DMD: variants seen among roughly 807,000 people sequenced by gnomAD.
DMD encodes mutant dystrophin.
DMD carries 63 observed loss-of-function variants against 330.1 expected under a neutral mutation model. The ratio of observed to expected loss-of-function variants is 0.19; its 90% confidence interval spans 0.16 to 0.24. DMD has a LOEUF of 0.24. Ranked by LOEUF, DMD falls within the 10% of genes least tolerant of loss-of-function variation. The pLI is 1.00. For missense variants in DMD, 3,344 were observed against 2,684.1 expected, an observed-to-expected ratio of 1.25 and a Z score of -5.43; for synonymous variants, 1,223 against 959.8, an observed-to-expected ratio of 1.27 and a Z score of -5.07.
chrX:32,974,357 A>C (rs1415411868), intron 2 of DMD, among the ~76,000 whole-genome samples: 1 of 111,034 alleles, frequency 9.0e-6, no homozygotes, highest in African/African-American at 3.3e-5. Flanking sequence ...AGTATTCTGC[A>C]ACTAGATAGT....
intron 1 of DMD, among the ~76,000 whole-genome samples, chrX:33,270,582 T>C (rs2053137150): frequency 9.0e-6 from 1 of 111,598 alleles, no homozygotes; most frequent in African/African-American, 3.3e-5. Flanking sequence ...TGAGTTTTAG[T>C]AGGGAACGCC....
At chrX:31,652,348 T>C (rs897197609) in intron 54 of DMD, among the ~76,000 whole-genome samples, 1 of 111,900 alleles carries the variant, frequency 8.9e-6, no homozygotes, top group African/African-American at 3.2e-5. Flanking sequence ...ACATCATGTA[T>C]TTAATTTTTA....
At chrX:31,592,770 G>A (rs1050331650) in intron 55 of DMD, among the ~76,000 whole-genome samples, 1 of 110,287 alleles carries the variant, frequency 9.1e-6, no homozygotes, top group Non-Finnish European at 1.9e-5. Flanking sequence ...TCATCTCTAA[G>A]GTTTTATGAG....
At chrX:32,887,765 A>AC (rs1476205076) in intron 2 of DMD, among the ~76,000 whole-genome samples, 23 of 101,326 alleles carry the variant, frequency 2.3e-4, no homozygotes, top group Admixed American at 1.1e-3. Context: ...AAAAAAAAAA[A>AC]AAAAAAAAAA....
intron 2 of DMD, among the ~76,000 whole-genome samples, chrX:32,947,737 T>C (rs190602298): frequency 9.1e-4 from 101 of 111,552 alleles, no homozygotes; most frequent in Non-Finnish European, 1.6e-3. Context: ...TAATGTAAAT[T>C]ATTGATATAT....
chrX:32,728,701 T>C (rs1358847329), intron 7 of DMD, among the ~76,000 whole-genome samples: 9 of 112,461 alleles, frequency 8.0e-5, no homozygotes, highest in Non-Finnish European at 1.7e-4. Context: ...GGGAATATAA[T>C]GCATAGAAAA....
chrX:32,785,691 C>G (rs1357890218), intron 7 of DMD, among the ~76,000 whole-genome samples: 1 of 111,468 alleles, frequency 9.0e-6, no homozygotes, highest in Non-Finnish European at 1.9e-5. Flanking sequence ...CTTATAGTCC[C>G]TTAATATTCC....
At chrX:32,285,844 C>T (rs1479376635) in intron 43 of DMD, among the ~76,000 whole-genome samples, 1 of 110,697 alleles carries the variant, frequency 9.0e-6, no homozygotes, top group East Asian at 2.8e-4. Context: ...GGACTACAAG[C>T]GCATGCCACC....
intron 44 of DMD, among the ~76,000 whole-genome samples, chrX:31,985,435 A>G (rs1001253640): frequency 8.9e-6 from 1 of 112,686 alleles, no homozygotes; most frequent in African/African-American, 3.2e-5. Context: ...ACATTTAGGA[A>G]AATATTTATG....
chrX:32,923,028 C>T (rs975801886), intron 2 of DMD, among the ~76,000 whole-genome samples: 1 of 111,530 alleles, frequency 9.0e-6, no homozygotes, highest in Non-Finnish European at 1.9e-5. Flanking sequence ...TATATTTTAA[C>T]AGAAATTCTT....
intron 47 of DMD, among the ~76,000 whole-genome samples, chrX:31,876,281 C>G (rs1212554836): frequency 8.9e-6 from 1 of 112,172 alleles, no homozygotes; most frequent in Non-Finnish European, 1.9e-5. Context: ...TAGGAAGCAG[C>G]ATGACATGGT....
chrX:32,637,199 T>A (rs1217448230), intron 11 of DMD, among the ~76,000 whole-genome samples: 2 of 111,746 alleles, frequency 1.8e-5, no homozygotes, highest in Non-Finnish European at 3.8e-5. Context: ...GTTGACACTC[T>A]GAAATTCTAT....
chrX:32,614,383 C>G lies in DMD; in HGVS notation c.1402G>C (p.Glu468Gln). Residue 468 changes from glutamate (E) to glutamine (Q), a missense_variant, in exon 12 of 79, where the codon GAA (glutamate) becomes CAA (glutamine). Physicochemically the swap from Glu to Gln is conservative, Grantham distance 29. Coordinates refer to ENST00000357033, the MANE Select transcript of DMD (RefSeq NM_004006.3). ...TCCTCCATTTTCCTTGTTCTTTCTTCTGTTTTTGTTAGCCAGTCATTCAAC... is the reference window on the plus strand; with the variant it reads ...TCCTCCATTTTCCTTGTTCTTTCTTGTGTTTTTGTTAGCCAGTCATTCAAC... The part of the protein sequence containing the change: ...KELNDWLTKT[E>Q]ERTRKMEEEP... The G allele has an allele frequency of 8.3e-7, 1 of 1,207,842 alleles. No individual in the cohort carries two copies. The highest frequency in any genetic ancestry group is 1.1e-6 in the Non-Finnish European group (1 of 892,925).
chrX:31,827,837 T>C (rs1464315270), intron 49 of DMD, among the ~76,000 whole-genome samples: 4 of 111,521 alleles, frequency 3.6e-5, no homozygotes, highest in African/African-American at 1.3e-4. Context: ...AACAATGAAA[T>C]TGAGATGGAA....
intron 44 of DMD, among the ~76,000 whole-genome samples, chrX:32,075,017 G>A (rs927034620): frequency 4.5e-5 from 5 of 111,814 alleles, no homozygotes; most frequent in African/African-American, 1.6e-4. Flanking sequence ...CGGAACTTCT[G>A]CTTTAAGAGG....
At chrX:32,823,180 T>G in intron 5 of DMD, 115 bp downstream of exon 5, 1 of 598,995 alleles carries the variant, frequency 1.7e-6, no homozygotes, top group East Asian at 3.4e-5. Flanking sequence ...AAAGCAGCAC[T>G]ATGGAGCAGG....
chrX:32,207,503 C>T lies in DMD; in HGVS notation c.6438+9413G>A, dbSNP rs752796887. Among the ~76,000 whole-genome samples, 45 of 111,913 alleles carry T rather than the reference C, an allele frequency of 4.0e-4. 1 individual carries two copies. The South Asian group carries it at 0.016, about 41-fold the overall frequency. ...GCACAAAACGTATTAAGAGAGTTAC[C>T]TACTTATCTTTTCTGAACATCATTA... On this transcript the variant is annotated intron_variant, in intron 44 of 78. Transcript: ENST00000357033.
intron 38 of DMD, among the ~76,000 whole-genome samples, chrX:32,347,560 G>A (rs2097768271): frequency 9.0e-6 from 1 of 111,435 alleles, no homozygotes; most frequent in Non-Finnish European, 1.9e-5. Context: ...AACTAAGATT[G>A]GTGGGAATAG....
intron 34 of DMD, among the ~76,000 whole-genome samples, chrX:32,374,053 T>G (rs753296068): frequency 8.9e-6 from 1 of 111,968 alleles, no homozygotes; most frequent in Non-Finnish European, 1.9e-5. Context: ...CTCTGATGAT[T>G]AGTGATATTG....
Sources: allele counts gnomAD v4.1 joint callset (sites outside exome capture counted in the v4.1 genomes callset), GRCh38; gene constraint gnomAD v4.1.1; transcripts MANE v1.5; gene names NCBI Gene and HGNC (gene_info 2026-07-23, HGNC 2026-07-21).